Variants in PTPN22 observed in about 807,000 individuals in gnomAD.
The protein encoded by PTPN22 is protein tyrosine phosphatase non-receptor type 22, also known as tyrosine-protein phosphatase non-receptor type 22.
PTPN22 carries 85 observed loss-of-function variants against 103.3 expected under a neutral mutation model. That is an observed-to-expected ratio of 0.82 (90% confidence interval 0.69 to 0.99). The LOEUF is 0.99. Among genes scored for constraint, PTPN22 ranks in the 50% least tolerant of loss-of-function variants. The pLI is 0.00. For missense variants in PTPN22, 865 were observed against 936.9 expected, an observed-to-expected ratio of 0.92 and a Z score of 1.00; for synonymous variants, 323 against 310.2, an observed-to-expected ratio of 1.04 and a Z score of -0.43.
rs1047816582 is a variant in PTPN22, at chr1:113,819,730, T to C, written c.2282-76A>G. On this transcript the variant is annotated intron_variant, in intron 19 of 20. Coordinates refer to ENST00000359785, the Ensembl canonical transcript of PTPN22. ...TGACTGTTGATCAGATCACATATAA[T>C]TGTTAAGAGTAATTAATAATCCCAA... The C allele has an allele frequency of 8.9e-6, 8 of 902,302 alleles. No homozygotes were observed. In the Admixed American group the frequency reaches 2.2e-4, roughly 25 times the overall value. The allele number at this position is 902,302 out of a possible 1,614,324, so 55.9% of individuals were successfully genotyped here.
chr1:113,835,991 A>G (rs959568458), intron 13 of PTPN22, among the ~76,000 whole-genome samples: 3 of 152,114 alleles, frequency 2.0e-5, no homozygotes, highest in Non-Finnish European at 4.4e-5. Context: ...GCAGATGCTC[A>G]GAGAAGTTTA....
chr1:113,837,311 G>A (rs1178068674), intron 13 of PTPN22, among the ~76,000 whole-genome samples: 1 of 151,820 alleles, frequency 6.6e-6, no homozygotes, highest in Admixed American at 6.6e-5. Context: ...TTAGCCGGGC[G>A]TGGTGGCGCG....
At chr1:113,828,150 C>T (rs747682304) in intron 18 of PTPN22, among the ~76,000 whole-genome samples, 7 of 151,498 alleles carry the variant, frequency 4.6e-5, no homozygotes, top group Non-Finnish European at 7.4e-5. Flanking sequence ...GAGTAATAAC[C>T]CCTTTGGCTG....
rs779552471 is a variant in PTPN22 at position 113,829,943 on chromosome 1, A to G, written c.2134+6T>C. ...GATTTTTTTGAGAGAAAGTGCTACC[A>G]CTTACAATCTTCATCGGCAAGAAAG... is the stretch of plus-strand genomic sequence containing the variant. On this transcript the variant is annotated splice_donor_region_variant and intron_variant, in intron 17 of 20. Transcript: ENST00000359785. 2.1e-5 allele frequency: 33 copies of G among 1,584,764 alleles called. No homozygotes were observed. The South Asian group carries it at 3.1e-4, about 15-fold the overall frequency.
intron 11 of PTPN22, among the ~76,000 whole-genome samples, chr1:113,847,012 TGGTCCCTTAGTTCCCTGCAGCTCTG>T (rs1558040149): frequency 2.0e-4 from 20 of 102,528 alleles, no homozygotes; most frequent in Non-Finnish European, 2.5e-4. Flanking sequence ...TTTTTTTTTT[TGGTCCCTTAGTTCCCTGCAGCTCTG>T]TTTATTTTTT....
chr1:113,858,543 T>G, exon 4 of PTPN22: 1 of 1,602,878 alleles, frequency 6.2e-7, no homozygotes, highest in Non-Finnish European at 8.5e-7. Context: ...GGACCCTGGG[T>G]GGCAATATAA....
At chr1:113,854,341 G>C (rs1664865797) in intron 9 of PTPN22, 130 bp downstream of exon 9, 1 of 844,396 alleles carries the variant, frequency 1.2e-6, no homozygotes. Context: ...TCGTCTGACA[G>C]AGTGGGTCTA....
At chr1:113,860,129 A>G (rs1217420) in intron 1 of PTPN22, among the ~76,000 whole-genome samples, 86,015 of 151,732 alleles carry the variant, frequency 0.57, 25,247 homozygotes, top group African/African-American at 0.66. Flanking sequence ...GACCACAGGC[A>G]CAAGCATCAC....
chr1:113,837,747 A>G (rs952180515), exon 13 of PTPN22: 2 of 1,613,706 alleles, frequency 1.2e-6, no homozygotes, highest in Admixed American at 1.7e-5. Flanking sequence ...CAGGTAAATC[A>G]AGAGACATCT....
intron 12 of PTPN22, 40 bp from the exon 13 acceptor site, chr1:113,838,447 A>G: frequency 6.3e-7 from 1 of 1,585,326 alleles, no homozygotes; most frequent in Non-Finnish European, 8.6e-7. Flanking sequence ...ACCATACCCC[A>G]AACAGGCCGC....
intron 15 of PTPN22, among the ~76,000 whole-genome samples, chr1:113,833,662 A>G (rs1271383454): frequency 6.6e-6 from 1 of 152,212 alleles, no homozygotes; most frequent in Non-Finnish European, 1.5e-5. Flanking sequence ...CACAGACTAT[A>G]CAGAAATGCA....
At chr1:113,835,174 G>C (rs542201759) in intron 13 of PTPN22, among the ~76,000 whole-genome samples, 181 bp from the exon 14 acceptor site, 43 of 152,182 alleles carry the variant, frequency 2.8e-4, no homozygotes, top group Admixed American at 1.7e-3. Context: ...TTCTCTTAAG[G>C]TACAAACCCA....
chr1:113,825,045 A>C (rs991003644), intron 19 of PTPN22, 97 bp downstream of exon 19: 1 of 882,008 alleles, frequency 1.1e-6, no homozygotes, highest in Non-Finnish European at 1.7e-6. Flanking sequence ...TCTGTTTAGG[A>C]ATAATATTGT....
chr1:113,825,257 A>C, intron 18 of PTPN22, 85 bp from the exon 19 acceptor site: 1 of 900,410 alleles, frequency 1.1e-6, no homozygotes, highest in South Asian at 1.8e-5. Context: ...CTTAAGTGAA[A>C]AGAATTTAAT....
At chr1:113,825,296 A>G in intron 18 of PTPN22, 124 bp from the exon 19 acceptor site, 1 of 681,738 alleles carries the variant, frequency 1.5e-6, no homozygotes, top group Non-Finnish European at 2.4e-6. Flanking sequence ...GAAAATGTAC[A>G]AAGTTGTTTT....
At chr1:113,864,899 G>A (rs1439925973) in intron 1 of PTPN22, among the ~76,000 whole-genome samples, 4 of 150,202 alleles carry the variant, frequency 2.7e-5, no homozygotes, top group East Asian at 2.0e-4. Flanking sequence ...GTGACAGAGC[G>A]AGACTCCGTC....
intron 18 of PTPN22, chr1:113,829,144 A>G (rs1662334838): frequency 6.6e-6 from 1 of 152,138 alleles, no homozygotes; most frequent in South Asian, 2.1e-4. Flanking sequence ...CAGTTTATCT[A>G]GTTCCAGAAA....
intron 20 of PTPN22, 53 bp from the exon 21 acceptor site, chr1:113,815,022 T>G (rs866488737): frequency 7.7e-7 from 1 of 1,305,816 alleles, no homozygotes. Flanking sequence ...AGTATAGAAA[T>G]GAATACTTGG....
intron 18 of PTPN22, among the ~76,000 whole-genome samples, chr1:113,825,760 C>T (rs1661999193): frequency 6.6e-6 from 1 of 152,062 alleles, no homozygotes; most frequent in Non-Finnish European, 1.5e-5. Context: ...GTCGCCCAGG[C>T]TAGAGTGCAG....
Sources: allele counts gnomAD v4.1 joint callset (sites outside exome capture counted in the v4.1 genomes callset), GRCh38; gene constraint gnomAD v4.1.1; transcripts MANE v1.5; gene names NCBI Gene and HGNC (gene_info 2026-07-23, HGNC 2026-07-21).